The following CARMIL1 variants were observed in gnomAD, a reference collection of about 807,000 sequenced individuals.
CARMIL1 encodes the protein capping protein regulator and myosin 1 linker 1.
CARMIL1 carries 90 observed loss-of-function variants against 177.1 expected under a neutral mutation model. The observed-to-expected ratio is 0.51, with a 90% CI of 0.43 to 0.61. The LOEUF is 0.61. Ranked by LOEUF, CARMIL1 falls within the 20% of genes least tolerant of loss-of-function variation. The pLI is 0.00. For synonymous variants in CARMIL1, 577 were observed against 606.2 expected, an observed-to-expected ratio of 0.95 and a Z score of 0.71; for missense variants, 1,380 against 1,667.0, an observed-to-expected ratio of 0.83 and a Z score of 3.00.
At chr6:25,346,182 T>TG (rs1430368590) in intron 2 of CARMIL1, among the ~76,000 whole-genome samples, 1 of 152,174 alleles carries the variant, frequency 6.6e-6, no homozygotes, top group East Asian at 1.9e-4. Context: ...CTGAAGTGTT[T>TG]ACCGTGACTG....
intron 23 of CARMIL1, among the ~76,000 whole-genome samples, chr6:25,522,634 G>A (rs1285961531): frequency 2.0e-5 from 3 of 152,156 alleles, no homozygotes; most frequent in Non-Finnish European, 4.4e-5. Context: ...TAGGTGTGTG[G>A]TCTTAGGATT....
At chr6:25,576,344 A>G (rs1046604525) in intron 29 of CARMIL1, among the ~76,000 whole-genome samples, 1 of 152,222 alleles carries the variant, frequency 6.6e-6, no homozygotes, top group Non-Finnish European at 1.5e-5. Flanking sequence ...GGTATCATCA[A>G]TATTGAATTA....
At chr6:25,367,998 G>A (rs956005664) in intron 2 of CARMIL1, among the ~76,000 whole-genome samples, 2 of 152,190 alleles carry the variant, frequency 1.3e-5, no homozygotes, top group African/African-American at 4.8e-5. Flanking sequence ...GACCTCAAGT[G>A]ATCTGCCTGC....
intron 29 of CARMIL1, among the ~76,000 whole-genome samples, chr6:25,561,760 G>A (rs369110401): frequency 2.6e-5 from 4 of 152,118 alleles, no homozygotes; most frequent in East Asian, 3.9e-4. Context: ...GAGTCAATAT[G>A]TCTCATCTAA....
At chr6:25,556,920 T>TAA (rs367637242) in intron 29 of CARMIL1, 70 bp downstream of exon 29, 12,724 of 1,121,416 alleles carry the variant, frequency 0.011, 86 homozygotes, top group South Asian at 0.017. Flanking sequence ...TTTTTTTTTT[T>TAA]TAAATCTCAC....
At chr6:25,491,682 T>A (rs751046773) in intron 13 of CARMIL1, 50 bp from the exon 14 acceptor site, 7 of 1,162,370 alleles carry the variant, frequency 6.0e-6, no homozygotes, top group Non-Finnish European at 3.8e-6. Flanking sequence ...GCATTGTGTG[T>A]ATGTGTGTGT....
intron 29 of CARMIL1, among the ~76,000 whole-genome samples, chr6:25,580,592 T>A (rs1281899142): frequency 1.3e-5 from 2 of 152,216 alleles, no homozygotes; most frequent in African/African-American, 4.8e-5. Flanking sequence ...TTTCAGTTTT[T>A]CGTGACTGAT....
At chr6:25,372,744 TTGCC>T (rs1790547283) in intron 2 of CARMIL1, among the ~76,000 whole-genome samples, 1 of 152,200 alleles carries the variant, frequency 6.6e-6, no homozygotes, top group Non-Finnish European at 1.5e-5. Flanking sequence ...TTTTTCTCTC[TTGCC>T]TGATTGCTCT....
chr6:25,280,721 A>G (rs1781022363), intron 1 of CARMIL1, among the ~76,000 whole-genome samples: 1 of 152,018 alleles, frequency 6.6e-6, no homozygotes, highest in Admixed American at 6.6e-5. Context: ...TTAAGCATGT[A>G]TATGTGTGTA....
chr6:25,521,892 T>C (rs887164457), intron 23 of CARMIL1, among the ~76,000 whole-genome samples: 9 of 152,090 alleles, frequency 5.9e-5, no homozygotes, highest in Admixed American at 1.3e-4. Context: ...TTTAGAGCTG[T>C]AGGGATTTAG....
chr6:25,329,214 C>T (rs1785384530), intron 2 of CARMIL1, among the ~76,000 whole-genome samples: 1 of 152,106 alleles, frequency 6.6e-6, no homozygotes, highest in African/African-American at 2.4e-5. Context: ...TCCATCCTCC[C>T]CCACCTTTAA....
chr6:25,387,248 TTTATAG>T (rs1187992530), intron 2 of CARMIL1, among the ~76,000 whole-genome samples: 4 of 152,202 alleles, frequency 2.6e-5, no homozygotes, highest in African/African-American at 9.6e-5. Flanking sequence ...GTTAAAAGTG[TTTATAG>T]TTATAGGTCT....
chr6:25,343,031 C>T (rs1433862909), intron 2 of CARMIL1, among the ~76,000 whole-genome samples: 1 of 152,136 alleles, frequency 6.6e-6, no homozygotes, highest in African/African-American at 2.4e-5. Flanking sequence ...CCAGCCTAAG[C>T]ATTGTTTCTT....
At chr6:25,436,155 A>G (rs1488760057) in intron 5 of CARMIL1, among the ~76,000 whole-genome samples, 1 of 152,140 alleles carries the variant, frequency 6.6e-6, no homozygotes, top group Non-Finnish European at 1.5e-5. Context: ...TTAAGCTTTT[A>G]AAGTCAGGAT....
intron 12 of CARMIL1, among the ~76,000 whole-genome samples, chr6:25,483,907 A>G (rs962527541): frequency 6.6e-6 from 1 of 152,030 alleles, no homozygotes; most frequent in Non-Finnish European, 1.5e-5. Flanking sequence ...AGCTGGGACC[A>G]CAAGCGTGCA....
At chr6:25,364,008 C>G (rs1165597939) in intron 2 of CARMIL1, among the ~76,000 whole-genome samples, 1 of 152,044 alleles carries the variant, frequency 6.6e-6, no homozygotes, top group Non-Finnish European at 1.5e-5. Flanking sequence ...GTAGCAATAT[C>G]ATGGTTCAGC....
In CARMIL1 at chr6:25,293,265, GGTGTGTGT is replaced by G. The variant is rs57127326; in HGVS notation, c.138+8389_138+8396del. ...GCAAAGAGGGGAAAGAAGGATGCTT[GGTGTGTGT>G]GTGTGTGTGTGTGTGTGTGTGTGTG... On this transcript the variant is annotated intron_variant, in intron 2 of 36. Coordinates refer to ENST00000329474, the MANE Select transcript of CARMIL1 (RefSeq NM_017640.6). Among the ~76,000 whole-genome samples the G allele has an allele frequency of 5.9e-3, 795 of 134,378 alleles. 13 individuals carry two copies. Among genetic ancestry groups the G allele is most frequent in the African/African-American group, 0.019 (693 of 37,370 alleles). The allele number at this position is 134,378 out of a possible 152,430, so 88.2% of individuals were successfully genotyped here. A position where few individuals can be genotyped will look rare whatever the true frequency, so the allele number is the denominator to read the frequency against.
intron 8 of CARMIL1, among the ~76,000 whole-genome samples, chr6:25,461,280 A>G (rs1225472002): frequency 6.6e-6 from 1 of 152,196 alleles, no homozygotes. Context: ...TTCTACGACT[A>G]CCTTGCGTGC....
chr6:25,557,372 A>ATCCATT (rs1361215037), intron 29 of CARMIL1, among the ~76,000 whole-genome samples: 1 of 152,142 alleles, frequency 6.6e-6, no homozygotes, highest in Non-Finnish European at 1.5e-5. Context: ...TTAATTTCTT[A>ATCCATT]TCCATTTTCT....
Sources: gnomAD v4.1 joint callset for allele counts (sites outside exome capture counted in the v4.1 genomes callset) on GRCh38, gnomAD v4.1.1 for gene constraint, MANE v1.5 for transcripts, NCBI Gene and HGNC (gene_info 2026-07-23, HGNC 2026-07-21) for gene names.